The following DTNA variants were observed in gnomAD, a reference collection of about 807,000 sequenced individuals.
DTNA encodes the protein dystrobrevin alpha.
A neutral mutation model predicts 100.7 loss-of-function variants in DTNA; 43 were observed. The ratio of observed to expected loss-of-function variants is 0.43; its 90% confidence interval spans 0.33 to 0.55. The LOEUF is 0.55. Among genes scored for constraint, DTNA ranks in the 20% least tolerant of loss-of-function variants. The probability of loss-of-function intolerance (pLI) is 0.04; values close to 1 mark genes in which losing one functional copy is unlikely to be tolerated. For missense variants in DTNA, 798 were observed against 953.9 expected (o/e 0.84, Z 2.15); for synonymous variants, 349 against 347.9 (o/e 1.00, Z -0.04).
In DTNA at chr18:34,750,242, A is replaced by G. The variant is rs138856540; in HGVS notation, c.-1-5734A>G. On this transcript the variant is annotated intron_variant, in intron 1 of 22. Transcript: ENST00000444659. ...GATTTTAATTGCGAGACTGTGAATC[A>G]GTGTGTGACTTGGTGTGTTTCTATG... Among the ~76,000 whole-genome samples, 1,114 of 152,278 alleles carry G rather than the reference A, an allele frequency of 7.3e-3. 9 individuals are homozygous for G. Among genetic ancestry groups the G allele is most frequent in the African/African-American group, 0.022 (912 of 41,560 alleles).
chr18:34,622,751 C>T (rs959923192), intron 1 of DTNA, among the ~76,000 whole-genome samples: 1 of 152,158 alleles, frequency 6.6e-6, no homozygotes. Context: ...TCCTCGTGCC[C>T]CTCTCCACCC....
intron 1 of DTNA, among the ~76,000 whole-genome samples, chr18:34,577,866 G>A (rs1181311947): frequency 3.9e-5 from 6 of 151,908 alleles, no homozygotes; most frequent in Non-Finnish European, 8.8e-5. Flanking sequence ...TTGATTGATG[G>A]GCATTTGGAT....
intron 1 of DTNA, among the ~76,000 whole-genome samples, chr18:34,752,442 A>G (rs2092400549): frequency 6.6e-6 from 1 of 152,178 alleles, no homozygotes; most frequent in African/African-American, 2.4e-5. Context: ...GAAACCAAGG[A>G]GCCCACAGTG....
At chr18:34,862,140 A>AAAAAAAAAAAAAAAG (rs1555881848) in intron 16 of DTNA, among the ~76,000 whole-genome samples, 1 of 146,928 alleles carries the variant, frequency 6.8e-6, no homozygotes, top group African/African-American at 2.6e-5. Context: ...AAAAAAAAAA[A>AAAAAAAAAAAAAAAG]AAAGAGAAAG....
At chr18:34,780,402 A>G (rs1039441296) in intron 3 of DTNA, among the ~76,000 whole-genome samples, 1 of 152,240 alleles carries the variant, frequency 6.6e-6, no homozygotes, top group Admixed American at 6.5e-5. Context: ...ACACTGGAAC[A>G]TTGAGAAAAG....
At chr18:34,644,404 G>T (rs1286044578) in intron 1 of DTNA, among the ~76,000 whole-genome samples, 1 of 152,202 alleles carries the variant, frequency 6.6e-6, no homozygotes, top group African/African-American at 2.4e-5. Flanking sequence ...ATAGCAGCTA[G>T]TAAAATAACT....
rs79459422 is a variant in DTNA at position 34,716,784 on chromosome 18, A to G, written c.-2+6339A>G. ...GAAATTATTAAAATAATAATGTTAA[A>G]GAGTAGAAAAGTCTGTGAATCCCTT... On this transcript the variant is annotated intron_variant, in intron 1 of 22. Transcript: ENST00000444659. Among the ~76,000 whole-genome samples, 1,354 of 152,288 alleles carry G rather than the reference A, an allele frequency of 8.9e-3. 13 individuals carry two copies. The highest frequency in any genetic ancestry group is 0.04 in the South Asian group (192 of 4,828).
chr18:34,541,693 A>C (rs949953522), intron 1 of DTNA, among the ~76,000 whole-genome samples: 1 of 152,090 alleles, frequency 6.6e-6, no homozygotes, highest in Non-Finnish European at 1.5e-5. Flanking sequence ...ACATTCAGGA[A>C]ATAGGTTAGA....
chr18:34,546,041 G>A (rs1003804861), intron 1 of DTNA, among the ~76,000 whole-genome samples: 6 of 152,054 alleles, frequency 3.9e-5, no homozygotes, highest in African/African-American at 7.2e-5. Flanking sequence ...CATACTGTGG[G>A]AAGAATGTTT....
chr18:34,875,345 C>A lies in DTNA; in HGVS notation c.1850C>A (p.Pro617Gln), dbSNP rs746246245. The change falls in exon 18 of 23, where the codon CCG (proline) becomes CAG (glutamine). Residue 617 changes from proline to glutamine, a missense_variant. By Grantham distance (76) the Pro-to-Gln change is moderately conservative. Around this residue, in one of 6 missense-constraint regions of DTNA, gnomAD observed 242 missense variants for 238.2 expected, o/e 1.02. Coordinates refer to ENST00000444659, the MANE Select transcript of DTNA (RefSeq NM_001386795.1). ...ASACSTPTHT[P>Q]QDSLTGVGGD... ...GCCTGCTCCACCCCGACGCACACGC[C>A]GCAGGACTCCCTCACAGGAGTAGGG... 1 of 1,614,214 alleles carries A rather than the reference C, an allele frequency of 6.2e-7. No homozygotes were observed. Among genetic ancestry groups the A allele is most frequent in the Non-Finnish European group, 8.5e-7 (1 of 1,180,042 alleles).
chr18:34,815,825 C>T, intron 6 of DTNA, 84 bp from the exon 7 acceptor site: 5 of 1,185,678 alleles, frequency 4.2e-6, no homozygotes, highest in Non-Finnish European at 6.3e-6. Flanking sequence ...TCTTTTGTTT[C>T]AGTCTCAAAT....
intron 1 of DTNA, among the ~76,000 whole-genome samples, chr18:34,745,069 T>A (rs1390633886): frequency 6.6e-6 from 1 of 152,080 alleles, no homozygotes; most frequent in Non-Finnish European, 1.5e-5. Flanking sequence ...TGCATAGTAC[T>A]CGGAACATAG....
chr18:34,832,687 T>C (rs2096044268), intron 11 of DTNA, among the ~76,000 whole-genome samples: 1 of 152,220 alleles, frequency 6.6e-6, no homozygotes, highest in South Asian at 2.1e-4. Flanking sequence ...ATTTTCCCAC[T>C]GAGACACTAA....
rs2053651245 is a variant in DTNA at position 34,608,894 on chromosome 18, A to T, written c.-2+115380A>T. Among the ~76,000 whole-genome samples the T allele has an allele frequency of 2.0e-5, 3 of 152,332 alleles. No homozygotes were observed. In the East Asian group the frequency reaches 5.8e-4, roughly 29 times the overall value. ...AGATACCTTCTCTAAGTGCTATTGT[A>T]TATTGGATCTCAGACCTAGAGCACG... On this transcript the variant is annotated intron_variant, in intron 1 of 19. Transcript: ENST00000283365.
Position 34,888,795 on chromosome 18 carries a change from A to G in DTNA, c.*1061A>G. On this transcript the variant is annotated 3_prime_UTR_variant, in exon 23 of 23. Transcript: ENST00000444659. ...CGCTCGTTCACAAGTTCCCCCATCAAGTTGTTTGGAGGCCTTCAGCTTTAA... is the reference window on the plus strand; with the variant it reads ...CGCTCGTTCACAAGTTCCCCCATCAGGTTGTTTGGAGGCCTTCAGCTTTAA... 1.0e-6 allele frequency: 1 copy of G among 985,792 alleles called. No individual in the cohort carries two copies. Among genetic ancestry groups the G allele is most frequent in the African/African-American group, 1.7e-5 (1 of 57,322 alleles). The allele number at this position is 985,792 out of a possible 1,614,324, so 61.1% of individuals were successfully genotyped here. A position where few individuals can be genotyped will look rare whatever the true frequency, so the allele number is the denominator to read the frequency against.
chr18:34,854,050 A>T (rs1265128312), intron 15 of DTNA, among the ~76,000 whole-genome samples: 2 of 152,212 alleles, frequency 1.3e-5, no homozygotes, highest in African/African-American at 4.8e-5. Flanking sequence ...CTGAGCTAGC[A>T]GGCAGAGGGC....
At chr18:34,805,300 G>A (rs1374426261) in intron 4 of DTNA, among the ~76,000 whole-genome samples, 1 of 152,086 alleles carries the variant, frequency 6.6e-6, no homozygotes, top group Admixed American at 6.6e-5. Context: ...TGTGTCATTT[G>A]GGTAGAAAGA....
intron 1 of DTNA, among the ~76,000 whole-genome samples, chr18:34,626,853 G>T (rs2057388324): frequency 6.6e-6 from 1 of 152,162 alleles, no homozygotes; most frequent in Non-Finnish European, 1.5e-5. Context: ...TTGTTTAAGG[G>T]TGTCTCACCA....
chr18:34,584,869 AAGAT>A (rs571772446), intron 1 of DTNA, among the ~76,000 whole-genome samples: 39 of 152,196 alleles, frequency 2.6e-4, no homozygotes, highest in South Asian at 1.2e-3. Flanking sequence ...GGAACAAAGA[AAGAT>A]AGAAAGTCAA....
Sources: gnomAD v4.1 joint callset for allele counts (sites outside exome capture counted in the v4.1 genomes callset) on GRCh38, gnomAD v4.1.1 for gene constraint, gnomAD v4.1.1 regional missense constraint, MANE v1.5 for transcripts, NCBI Gene and HGNC (gene_info 2026-07-23, HGNC 2026-07-21) for gene names.